The following ASAP1 variants were observed in gnomAD, a reference collection of about 807,000 sequenced individuals.
The protein encoded by ASAP1 is ArfGAP with SH3 domain, ankyrin repeat and PH domain 1.
Under a neutral mutation model 145.2 loss-of-function variants are expected in ASAP1, and 43 were observed. That is an observed-to-expected ratio of 0.30 (90% CI 0.23 to 0.38). The LOEUF is 0.38. Ranked by LOEUF, ASAP1 falls within the 10% of genes least tolerant of loss-of-function variation. The probability of loss-of-function intolerance (pLI) is 1.00; values close to 1 mark genes in which losing one functional copy is unlikely to be tolerated. For synonymous variants in ASAP1, 546 were observed against 515.5 expected (o/e 1.06, Z -0.80); for missense variants, 1,018 against 1,355.3 (o/e 0.75, Z 3.91).
At chr8:130,168,646 C>A (rs1319152944) in intron 10 of ASAP1, among the ~76,000 whole-genome samples, 1 of 152,098 alleles carries the variant, frequency 6.6e-6, no homozygotes, top group Admixed American at 6.6e-5. Flanking sequence ...TATAAACCTG[C>A]CTATTCAGAG....
At chr8:130,159,788 G>T in intron 12 of ASAP1, 76 bp downstream of exon 12, 1 of 1,186,656 alleles carries the variant, frequency 8.4e-7, no homozygotes, top group Non-Finnish European at 1.3e-6. Flanking sequence ...TTTTAAGTGT[G>T]TTTCCCTATA....
chr8:130,300,394 T>G (rs1269688379), intron 3 of ASAP1, among the ~76,000 whole-genome samples: 1 of 152,244 alleles, frequency 6.6e-6, no homozygotes, highest in Non-Finnish European at 1.5e-5. Context: ...TACTGCTGTT[T>G]TTTAATTTTT....
chr8:130,246,128 CG>C, intron 3 of ASAP1, among the ~76,000 whole-genome samples: 1 of 152,150 alleles, frequency 6.6e-6, no homozygotes, highest in South Asian at 2.1e-4. Context: ...ACATGTAACA[CG>C]GGCAAAAGGA....
chr8:130,375,384 G>GA (rs887625347), intron 2 of ASAP1, among the ~76,000 whole-genome samples: 32 of 145,332 alleles, frequency 2.2e-4, no homozygotes, highest in African/African-American at 5.8e-4. Context: ...AGCAGCAGAG[G>GA]AAAAAAAAAA....
chr8:130,263,583 T>G (rs1368849345), intron 3 of ASAP1, among the ~76,000 whole-genome samples: 2 of 152,220 alleles, frequency 1.3e-5, no homozygotes, highest in African/African-American at 2.4e-5. Context: ...AATGAGCCTT[T>G]GCTCACTTAG....
intron 5 of ASAP1, among the ~76,000 whole-genome samples, chr8:130,202,848 T>G (rs555815044): frequency 6.6e-6 from 1 of 152,182 alleles, no homozygotes; most frequent in Non-Finnish European, 1.5e-5. Flanking sequence ...TTGCTTAACA[T>G]ATCTGTGGCA....
intron 3 of ASAP1, among the ~76,000 whole-genome samples, chr8:130,278,111 T>A (rs1821029065): frequency 6.6e-6 from 1 of 151,598 alleles, no homozygotes. Context: ...AAAAGTTATG[T>A]AAATTAGTAC....
chr8:130,428,415 CCAT>C (rs1345093149), intron 1 of ASAP1, among the ~76,000 whole-genome samples: 2 of 122,980 alleles, frequency 1.6e-5, no homozygotes, highest in Non-Finnish European at 3.4e-5. Context: ...ATCACCACCA[CCAT>C]CACCATCATC....
chr8:130,076,562 C>A (rs1249531601), intron 26 of ASAP1, among the ~76,000 whole-genome samples, 156 bp from the exon 27 acceptor site: 1 of 152,068 alleles, frequency 6.6e-6, no homozygotes, highest in East Asian at 1.9e-4. Flanking sequence ...CCCTCTGTTG[C>A]CCAGGCTGGA....
At chr8:130,353,055 A>G (rs1470937905) in intron 3 of ASAP1, among the ~76,000 whole-genome samples, 1 of 152,216 alleles carries the variant, frequency 6.6e-6, no homozygotes, top group Admixed American at 6.5e-5. Context: ...TATTGACTAC[A>G]TGGTAATTTG....
intron 3 of ASAP1, among the ~76,000 whole-genome samples, chr8:130,258,340 T>C (rs1438156764): frequency 6.6e-6 from 1 of 152,218 alleles, no homozygotes; most frequent in Non-Finnish European, 1.5e-5. Flanking sequence ...TGCCCTGGCA[T>C]ATTTAACACA....
chr8:130,198,061 C>T (rs1333765352), intron 5 of ASAP1, among the ~76,000 whole-genome samples: 3 of 152,104 alleles, frequency 2.0e-5, no homozygotes, highest in Non-Finnish European at 4.4e-5. Flanking sequence ...GCCTTCCCTA[C>T]TGAGGCTAGG....
chr8:130,091,907 T>C, intron 25 of ASAP1, 66 bp downstream of exon 25: 1 of 1,440,358 alleles, frequency 6.9e-7, no homozygotes, highest in Non-Finnish European at 9.2e-7. Context: ...AACAGGCCAC[T>C]GCCCAGTGGA....
intron 2 of ASAP1, among the ~76,000 whole-genome samples, chr8:130,373,279 C>A (rs1467017600): frequency 2.0e-5 from 3 of 151,898 alleles, no homozygotes; most frequent in Non-Finnish European, 1.5e-5. Flanking sequence ...CACAGGTGCA[C>A]CCTCTGAGCT....
At chr8:130,185,490 GGCTGAGGCAGGT>G (rs1366787677) in intron 7 of ASAP1, among the ~76,000 whole-genome samples, 1 of 152,118 alleles carries the variant, frequency 6.6e-6, no homozygotes, top group East Asian at 1.9e-4. Flanking sequence ...CCAGCACTTT[GGCTGAGGCAGGT>G]GGATACCTGA....
In ASAP1 at chr8:130,243,235, C is replaced by A. The variant is rs140178871; in HGVS notation, c.187-6241G>T. On this transcript the variant is annotated intron_variant, in intron 3 of 29. Transcript: ENST00000518721. ...GTTGTTCATAAAACATTCATTATTG[C>A]TAACCTGGGGCTTGCTTTATCCATA... Among the ~76,000 whole-genome samples, 34 of 152,250 alleles carry A rather than the reference C, an allele frequency of 2.2e-4. No homozygotes were observed. In the East Asian group the frequency reaches 5.2e-3, roughly 23 times the overall value.
chr8:130,218,745 A>C (rs62525887), intron 4 of ASAP1, among the ~76,000 whole-genome samples: 3 of 152,164 alleles, frequency 2.0e-5, no homozygotes, highest in Non-Finnish European at 2.9e-5. Context: ...ATGAAACATG[A>C]AATGTGACGT....
At chr8:130,133,385 G>C (rs866712195) in intron 15 of ASAP1, among the ~76,000 whole-genome samples, 1 of 151,708 alleles carries the variant, frequency 6.6e-6, no homozygotes, top group East Asian at 2.0e-4. Flanking sequence ...GGCCGGGCGC[G>C]GTGGCTCACG....
intron 4 of ASAP1, among the ~76,000 whole-genome samples, chr8:130,217,082 T>C (rs369952696): frequency 2.0e-5 from 3 of 152,206 alleles, no homozygotes; most frequent in Admixed American, 1.3e-4. Context: ...ACTCTCAAAG[T>C]AAGGCAGGAA....
Sources: allele counts gnomAD v4.1 joint callset (sites outside exome capture counted in the v4.1 genomes callset), GRCh38; gene constraint gnomAD v4.1.1; transcripts MANE v1.5; gene names NCBI Gene and HGNC (gene_info 2026-07-23, HGNC 2026-07-21).